HEPACAM2: variants seen among roughly 807,000 people sequenced by gnomAD.
HEPACAM2 encodes mitotic kinetics regulator.
Under a neutral mutation model 49.6 loss-of-function variants are expected in HEPACAM2, and 49 were observed. The observed-to-expected ratio is 0.99, with a 90% CI of 0.78 to 1.25. HEPACAM2 has a LOEUF of 1.25. Among genes scored for constraint, HEPACAM2 ranks in the 50% most tolerant of loss-of-function variants. The pLI, the probability that HEPACAM2 is intolerant of heterozygous loss-of-function variation, is 0.00. For synonymous variants in HEPACAM2, 197 were observed against 202.9 expected (o/e 0.97, Z 0.25); for missense variants, 525 against 557.2 (o/e 0.94, Z 0.58).
chr7:93,196,039 A>C (rs1277669245), intron 7 of HEPACAM2, 138 bp from the exon 8 acceptor site: 1 of 630,392 alleles, frequency 1.6e-6, no homozygotes, highest in East Asian at 2.8e-5. Flanking sequence ...CCTAATTCCT[A>C]TAGTCGTATT....
At chr7:93,224,759 G>C (rs529439058) in intron 1 of HEPACAM2, among the ~76,000 whole-genome samples, 30 of 152,166 alleles carry the variant, frequency 2.0e-4, no homozygotes, top group Non-Finnish European at 3.7e-4. Flanking sequence ...GTTATCATGT[G>C]TGGTATTAAC....
rs760784333 is a variant in HEPACAM2, at chr7:93,219,168, G to A, written c.363C>T (p.Ile121=). The change falls in exon 2 of 10, where the codon ATC becomes ATT. Residue 121 remains isoleucine (I), a synonymous_variant. Transcript: ENST00000394468. The part of the protein sequence containing the change: ...PLQFPDEGNY[I]VKVNIQGNGT... ...CATTTCCCTGAATGTTGACCTTCACGATGTAATTGCCTTCATCAGGGAACT... is the reference window on the plus strand; with the variant it reads ...CATTTCCCTGAATGTTGACCTTCACAATGTAATTGCCTTCATCAGGGAACT... 8 of 1,613,802 alleles carry A rather than the reference G, an allele frequency of 5.0e-6. No individual in the cohort carries two copies. The highest frequency in any genetic ancestry group is 1.6e-4 in the Middle Eastern group (1 of 6,082).
chr7:93,197,301 T>A, intron 6 of HEPACAM2, 23 bp from the exon 7 acceptor site: 1 of 1,610,216 alleles, frequency 6.2e-7, no homozygotes, highest in Non-Finnish European at 8.5e-7. Context: ...AATAGGTATT[T>A]TTGTCAGGGA....
chr7:93,215,592 C>T lies in HEPACAM2; in HGVS notation c.524G>A (p.Gly175Asp). 6.2e-7 allele frequency: 1 copy of T among 1,613,754 alleles called. No individual in the cohort carries two copies. The change falls in exon 3 of 10, where the codon GGC (glycine) becomes GAC (aspartate). Residue 175 changes from glycine (G) to aspartate (D), a missense_variant. Gly to Asp is a moderately conservative substitution (Grantham distance 94). Transcript: ENST00000394468. ...NMTLTCHVEG[G>D]TRLAYQWLKN... The stretch of plus-strand genomic sequence containing the variant: ...TAGCCATTGGTAAGCTAGCCGAGTG[C>T]CCCCTTCCACATGGCATGTCAGGGT...
intron 4 of HEPACAM2, among the ~76,000 whole-genome samples, chr7:93,201,376 C>T (rs1793878599): frequency 6.6e-6 from 1 of 151,970 alleles, no homozygotes; most frequent in African/African-American, 2.4e-5. Flanking sequence ...ATATTTCCTA[C>T]CTTTTTATTC....
At chr7:93,208,190 G>A (rs976030835) in intron 4 of HEPACAM2, among the ~76,000 whole-genome samples, 12 of 151,976 alleles carry the variant, frequency 7.9e-5, no homozygotes, top group African/African-American at 1.2e-4. Context: ...AATAGAAGTA[G>A]GAAAACCAGA....
chr7:93,191,947 C>T (rs1370283871), intron 9 of HEPACAM2, among the ~76,000 whole-genome samples: 3 of 152,068 alleles, frequency 2.0e-5, no homozygotes, highest in African/African-American at 7.2e-5. Flanking sequence ...CCTGAACATT[C>T]CTTTCATACC....
chr7:93,188,788 GAAATA>G lies in HEPACAM2; in HGVS notation c.*474_*478del. 1 of 376,226 alleles carries G rather than the reference GAAATA, an allele frequency of 2.7e-6. No homozygotes were observed. Among genetic ancestry groups the G allele is most frequent in the Non-Finnish European group, 4.7e-6 (1 of 211,958 alleles). 23.3% of individuals were successfully genotyped at this position (376,226 alleles called of 1,614,324 possible). Reference sequence around the variant, plus strand: ...GTACAAATAACAAGATAGAAATTTGGAAATAAAATTGAAACATAAATTTAGCATTC... The same window carrying G: ...GTACAAATAACAAGATAGAAATTTGGAAATTGAAACATAAATTTAGCATTC... On this transcript the variant is annotated 3_prime_UTR_variant, in exon 10 of 10. Coordinates refer to ENST00000394468, the MANE Select transcript of HEPACAM2 (RefSeq NM_001039372.4).
At chr7:93,207,593 G>A (rs1165912815) in intron 4 of HEPACAM2, among the ~76,000 whole-genome samples, 2 of 151,838 alleles carry the variant, frequency 1.3e-5, no homozygotes, top group African/African-American at 2.4e-5. Flanking sequence ...GACACAACTC[G>A]GTGACTGAAT....
intron 4 of HEPACAM2, among the ~76,000 whole-genome samples, chr7:93,204,129 A>G (rs1179969280): frequency 6.6e-6 from 1 of 152,172 alleles, no homozygotes; most frequent in East Asian, 1.9e-4. Flanking sequence ...TTCTTTAAGA[A>G]AAGTTGGGAA....
intron 8 of HEPACAM2, among the ~76,000 whole-genome samples, chr7:93,193,870 TC>T (rs1793617725): frequency 6.6e-6 from 1 of 152,156 alleles, no homozygotes; most frequent in Non-Finnish European, 1.5e-5. Flanking sequence ...CTGCTAATCT[TC>T]CATTACATAG....
intron 3 of HEPACAM2, among the ~76,000 whole-genome samples, chr7:93,214,464 T>C (rs950990885): frequency 6.6e-6 from 1 of 152,176 alleles, no homozygotes; most frequent in Non-Finnish European, 1.5e-5. Flanking sequence ...CGTTAGTCTT[T>C]GCATGTGATA....
rs879197116 is a variant in HEPACAM2, at chr7:93,192,309, T to C, written c.1330A>G (p.Ser444Gly). ...TGCTGAATAACTTCATACACTGTAC[T>C]GTGCAAATCTTGCCCCGATACACAA... ...SDCVSGQDLH[S>G]TVYEVIQHIP... The change falls in exon 9 of 10, where the codon AGT (serine) becomes GGT (glycine). Residue 444 changes from serine (S) to glycine (G), a missense_variant. Ser to Gly is a moderately conservative substitution (Grantham distance 56). Coordinates refer to ENST00000394468, the MANE Select transcript of HEPACAM2 (RefSeq NM_001039372.4). The C allele has an allele frequency of 6.2e-7, 1 of 1,612,934 alleles. No individual in the cohort carries two copies. The highest frequency in any genetic ancestry group is 8.5e-7 in the Non-Finnish European group (1 of 1,179,234).
chr7:93,216,336 A>T (rs1187068446), intron 2 of HEPACAM2, among the ~76,000 whole-genome samples: 1 of 152,208 alleles, frequency 6.6e-6, no homozygotes, highest in African/African-American at 2.4e-5. Context: ...TCAGTCTGAA[A>T]ATAGGATAAA....
chr7:93,223,630 T>C (rs1794490500), intron 1 of HEPACAM2, among the ~76,000 whole-genome samples: 1 of 152,200 alleles, frequency 6.6e-6, no homozygotes. Context: ...AATGAAAAGT[T>C]TTTTTCAAAT....
rs537921096 is a variant in HEPACAM2, at chr7:93,204,793, A to G, written c.1012+3787T>C. ...AGTTATATCAAAGGAGACAGTTTGT[A>G]TAGTGGTTAAAAACAAGGGCTTTGG... On this transcript the variant is annotated intron_variant, in intron 4 of 9. Coordinates refer to ENST00000394468, the MANE Select transcript of HEPACAM2 (RefSeq NM_001039372.4). 3.3e-5 allele frequency among the ~76,000 whole-genome samples: 5 copies of G among 152,224 alleles called. No individual in the cohort carries two copies. The East Asian group carries it at 7.8e-4, about 24-fold the overall frequency.
rs1332038893 is a variant in HEPACAM2 at position 93,188,892 on chromosome 7, G to A, written c.*375C>T. 2.5e-6 allele frequency: 1 copy of A among 395,630 alleles called. No homozygotes were observed. The highest frequency in any genetic ancestry group is 3.6e-5 in the East Asian group (1 of 28,006). The allele number at this position is 395,630 out of a possible 1,614,324, so 24.5% of individuals were successfully genotyped here. A position where few individuals can be genotyped will look rare whatever the true frequency, so the allele number is the denominator to read the frequency against. ...CAATGTAAAGTTTCCACATTTGTAG[G>A]TGAGACAGGATAGTCTCAGTGTTGA... On this transcript the variant is annotated 3_prime_UTR_variant, in exon 10 of 10. Transcript: ENST00000394468.
At chr7:93,205,371 T>C (rs1794002206) in intron 4 of HEPACAM2, 2 of 152,164 alleles carry the variant, frequency 1.3e-5, no homozygotes, top group African/African-American at 4.8e-5. Context: ...TTTCCTGACC[T>C]TGTCATTTTC....
At chr7:93,203,900 C>G (rs1793959521) in intron 4 of HEPACAM2, among the ~76,000 whole-genome samples, 1 of 152,128 alleles carries the variant, frequency 6.6e-6, no homozygotes, top group South Asian at 2.1e-4. Context: ...CACACTCCAT[C>G]ATAGGCCCAC....
Sources: allele counts gnomAD v4.1 joint callset (sites outside exome capture counted in the v4.1 genomes callset), GRCh38; gene constraint gnomAD v4.1.1; transcripts MANE v1.5; gene names NCBI Gene and HGNC (gene_info 2026-07-23, HGNC 2026-07-21).